FAM107B: variants seen among roughly 807,000 people sequenced by gnomAD.
FAM107B encodes protein FAM107B.
Under a neutral mutation model 31.5 loss-of-function variants are expected in FAM107B, and 21 were observed. The ratio of observed to expected loss-of-function variants is 0.67; its 90% CI spans 0.47 to 0.96. FAM107B has a LOEUF of 0.96. Among genes scored for constraint, FAM107B ranks in the 40% least tolerant of loss-of-function variants. The pLI is 0.00. For missense variants in FAM107B, 452 were observed against 377.1 expected, an observed-to-expected ratio of 1.20 and a Z score of -1.64; for synonymous variants, 157 against 141.5, an observed-to-expected ratio of 1.11 and a Z score of -0.78.
At chr10:14,521,571 G>A (rs1173440237) in intron 4 of FAM107B, among the ~76,000 whole-genome samples, 3 of 152,156 alleles carry the variant, frequency 2.0e-5, no homozygotes, top group South Asian at 2.1e-4. Context: ...GAGTCAACGC[G>A]CAGTTGCTCT....
chr10:14,685,238 T>A (rs1854954907), intron 1 of FAM107B, among the ~76,000 whole-genome samples: 1 of 149,224 alleles, frequency 6.7e-6, no homozygotes, highest in Admixed American at 6.7e-5. Context: ...AACCTCCAAC[T>A]CCTGGGCTCA....
intron 1 of FAM107B, among the ~76,000 whole-genome samples, chr10:14,699,658 C>G (rs766471190): frequency 2.0e-5 from 3 of 152,220 alleles, no homozygotes; most frequent in Non-Finnish European, 4.4e-5. Flanking sequence ...GGAACACCCT[C>G]ACAGACACAC....
At chr10:14,633,451 C>T (rs1853419122) in intron 2 of FAM107B, among the ~76,000 whole-genome samples, 1 of 152,084 alleles carries the variant, frequency 6.6e-6, no homozygotes, top group Admixed American at 6.5e-5. Flanking sequence ...GAAGGTGTTC[C>T]AAGATCTTCT....
chr10:14,562,430 T>C (rs563232652), intron 2 of FAM107B, among the ~76,000 whole-genome samples: 57 of 152,366 alleles, frequency 3.7e-4, no homozygotes, highest in African/African-American at 1.3e-3. Flanking sequence ...CAAGCTTTAC[T>C]ACAAGTGGTA....
chr10:14,748,139 T>C (rs1832762999), intron 1 of FAM107B, among the ~76,000 whole-genome samples: 1 of 152,266 alleles, frequency 6.6e-6, no homozygotes, highest in South Asian at 2.1e-4. Context: ...TACTTGTCTA[T>C]TTTAGCAACT....
rs145058464 is a variant in FAM107B at position 14,691,388 on chromosome 10, G to A, written c.412-23697C>T. ...AGACATGATCAAGTGCCAGTTCTGC[G>A]CTCTGCAGGTTACTCTGCGGGCCAA... On this transcript the variant is annotated intron_variant, in intron 1 of 4. Transcript: ENST00000181796. Among the ~76,000 whole-genome samples, 86 of 152,308 alleles carry A rather than the reference G, an allele frequency of 5.6e-4. 1 individual carries two copies. The East Asian group carries it at 0.014, about 24-fold the overall frequency.
chr10:14,604,805 C>G (rs1852545292), intron 2 of FAM107B, among the ~76,000 whole-genome samples: 1 of 152,128 alleles, frequency 6.6e-6, no homozygotes, highest in South Asian at 2.1e-4. Flanking sequence ...ATCTCTTTCT[C>G]TCTCCCTTAA....
At chr10:14,557,592 A>G (rs1370522571) in intron 2 of FAM107B, among the ~76,000 whole-genome samples, 2 of 152,252 alleles carry the variant, frequency 1.3e-5, no homozygotes, top group African/African-American at 4.8e-5. Context: ...AATTATATCA[A>G]TGATGATGGT....
rs1042234498 is a variant in FAM107B at position 14,571,893 on chromosome 10, C to T, written c.470-41378G>A. ...ATGTCACCCATCAAGGCCTAAGTGA[C>T]GAACGGTTACAGAGACTGACCTAAC... On this transcript the variant is annotated intron_variant, in intron 2 of 4. Transcript: ENST00000181796. The T allele has an allele frequency of 6.6e-5, 65 of 985,390 alleles. No homozygotes were observed. In the African/African-American group the frequency reaches 9.6e-4, roughly 15 times the overall value. 61.0% of individuals were successfully genotyped at this position (985,390 alleles called of 1,614,324 possible). A position where few individuals can be genotyped will look rare whatever the true frequency, so the allele number is the denominator to read the frequency against.
At chr10:14,747,094 A>G (rs1453151485) in intron 1 of FAM107B, among the ~76,000 whole-genome samples, 1 of 152,144 alleles carries the variant, frequency 6.6e-6, no homozygotes, top group African/African-American at 2.4e-5. Flanking sequence ...GGCTATTGAT[A>G]CTTGTGGTTG....
intron 2 of FAM107B, among the ~76,000 whole-genome samples, chr10:14,666,206 C>G (rs995543219): frequency 6.6e-6 from 1 of 152,190 alleles, no homozygotes; most frequent in African/African-American, 2.4e-5. Context: ...TGCTGCTATA[C>G]AGAACTGCAA....
chr10:14,549,981 G>A (rs1849105282), intron 2 of FAM107B, among the ~76,000 whole-genome samples: 1 of 152,168 alleles, frequency 6.6e-6, no homozygotes, highest in East Asian at 1.9e-4. Flanking sequence ...TGTCTATAGA[G>A]CATAACAACC....
At chr10:14,567,456 T>A (rs1440606617) in intron 2 of FAM107B, among the ~76,000 whole-genome samples, 1 of 151,870 alleles carries the variant, frequency 6.6e-6, no homozygotes, top group Non-Finnish European at 1.5e-5. Flanking sequence ...GGAAAAGTCA[T>A]TATGGAGAGG....
chr10:14,739,587 T>A (rs1361906184), intron 1 of FAM107B, among the ~76,000 whole-genome samples: 1 of 151,336 alleles, frequency 6.6e-6, no homozygotes, highest in Non-Finnish European at 1.5e-5. Flanking sequence ...CCAATTATCA[T>A]CAGTGCCTGG....
intron 2 of FAM107B, among the ~76,000 whole-genome samples, chr10:14,643,204 G>A (rs1244189124): frequency 6.6e-6 from 1 of 152,036 alleles, no homozygotes. Flanking sequence ...TAATTAGTGA[G>A]CTGGAGACTC....
At chr10:14,724,290 G>C (rs1453883195) in intron 1 of FAM107B, among the ~76,000 whole-genome samples, 1 of 152,116 alleles carries the variant, frequency 6.6e-6, no homozygotes, top group Non-Finnish European at 1.5e-5. Context: ...TATAATGTGA[G>C]GTAGGGGTCC....
intron 2 of FAM107B, chr10:14,661,594 G>A (rs535863853): frequency 6.6e-6 from 1 of 152,306 alleles, no homozygotes; most frequent in South Asian, 2.1e-4. Flanking sequence ...CACCACTGGG[G>A]CTCTTGGATC....
intron 1 of FAM107B, among the ~76,000 whole-genome samples, chr10:14,747,357 T>C (rs1832746308): frequency 6.6e-6 from 1 of 152,242 alleles, no homozygotes; most frequent in Admixed American, 6.5e-5. Context: ...TTGTGATCAT[T>C]TGGAGAAGAG....
At position 14,519,338 on chromosome 10, in the gene FAM107B, C is replaced by T. The variant is rs1391994756; in HGVS notation, c.*1852G>A. The T allele has an allele frequency of 3.3e-5, 5 of 152,106 alleles. No homozygotes were observed. The highest frequency in any genetic ancestry group is 3.3e-4 in the Admixed American group (5 of 15,274). 9.4% of individuals were successfully genotyped at this position (152,106 alleles called of 1,614,324 possible). On this transcript the variant is annotated 3_prime_UTR_variant, in exon 5 of 5. Coordinates refer to ENST00000181796, the MANE Select transcript of FAM107B (RefSeq NM_031453.4). ...AAGATATGAGCCAGTCCCGAATCTT[C>T]ATTTTACAAACAGCATCGCTAGTCC...
Sources: allele counts gnomAD v4.1 joint callset (sites outside exome capture counted in the v4.1 genomes callset), GRCh38; gene constraint gnomAD v4.1.1; transcripts MANE v1.5; gene names NCBI Gene and HGNC (gene_info 2026-07-23, HGNC 2026-07-21).